TAB1: variants seen among roughly 807,000 people sequenced by gnomAD.
The protein encoded by TAB1 is TGF-beta activated kinase 1 (MAP3K7) binding protein 1.
TAB1 carries 30 observed loss-of-function variants against 54.5 expected under a neutral mutation model. The ratio of observed to expected loss-of-function variants is 0.55; its 90% CI spans 0.41 to 0.75. TAB1 has a LOEUF of 0.75. TAB1 is among the 30% of genes least tolerant of loss of function. The pLI, the probability that TAB1 is intolerant of heterozygous loss-of-function variation, is 0.00. For missense variants in TAB1, 609 were observed against 683.2 expected, an observed-to-expected ratio of 0.89 and a Z score of 1.21; for synonymous variants, 289 against 286.9, an observed-to-expected ratio of 1.01 and a Z score of -0.07.
At position 39,415,238 on chromosome 22, in the gene TAB1, C is replaced by A; in HGVS notation, c.170+96C>A. 1 of 1,439,792 alleles carries A rather than the reference C, an allele frequency of 6.9e-7. No individual in the cohort carries two copies. The highest frequency in any genetic ancestry group is 2.3e-5 in the East Asian group (1 of 43,374). 89.2% of individuals were successfully genotyped at this position (1,439,792 alleles called of 1,614,324 possible). ...CTTGCAGCTTTCTCGTATGGGCTTG[C>A]CAGTGACATGTGGCCCGTGAGAGGT... On this transcript the variant is annotated intron_variant, in intron 2 of 10. Transcript: ENST00000216160. The surrounding 1 kb of genome is among the most constrained non-coding windows in gnomAD (Gnocchi z 4.9).
At chr22:39,436,546 T>A, downstream of TAB1, 1 of 1,613,976 alleles carries the variant, frequency 6.2e-7, no homozygotes, top group Non-Finnish European at 8.5e-7. Context: ...CAACTAAACC[T>A]CCTGGGCAGC....
At chr22:39,435,997 A>G (rs1432752929), downstream of TAB1, among the ~76,000 whole-genome samples, 3 of 152,268 alleles carry the variant, frequency 2.0e-5, no homozygotes, top group East Asian at 5.8e-4. Context: ...AATAAAAATA[A>G]CTAGTAGGTT....
downstream of TAB1, chr22:39,432,643 CGA>C (rs142123452): frequency 0.024 from 14,407 of 612,380 alleles, no homozygotes; most frequent in Middle Eastern, 0.038. Flanking sequence ...CCCTGCCACC[CGA>C]GAGAGAGAGA....
rs1927103857 is a variant in TAB1, at chr22:39,421,836, G to T, written c.786G>T (p.Lys262Asn). The change falls in exon 8 of 11, where the codon AAG (lysine) becomes AAT (asparagine). Residue 262 changes from lysine to asparagine, a missense_variant. Physicochemically the swap from Lys to Asn is moderately conservative, Grantham distance 94 (BLOSUM62 0). Coordinates refer to ENST00000216160, the MANE Select transcript of TAB1 (RefSeq NM_006116.3). ...YTDIDLLSAA[K>N]SKPIIAEPEI... ...CACTCTCTCCCCATAGCGCTGCCAA[G>T]TCCAAACCAATCATCGCAGAGCCAG... 6.2e-7 allele frequency: 1 copy of T among 1,614,084 alleles called. No homozygotes were observed. Among genetic ancestry groups the T allele is most frequent in the Non-Finnish European group, 8.5e-7 (1 of 1,179,982 alleles).
intron 5 of TAB1, 131 bp downstream of exon 5, chr22:39,417,980 G>A: frequency 8.3e-7 from 1 of 1,199,918 alleles, no homozygotes; most frequent in South Asian, 1.7e-5. Flanking sequence ...AGACCGTTGG[G>A]TATGTCCCTC....
intron 1 of TAB1, among the ~76,000 whole-genome samples, chr22:39,411,983 A>C (rs751114828): frequency 2.6e-5 from 4 of 152,184 alleles, no homozygotes; most frequent in Non-Finnish European, 5.9e-5. Flanking sequence ...CAGTCTCAGG[A>C]GGTCATGTTT....
At chr22:39,433,527 A>G, downstream of TAB1, 1 of 985,142 alleles carries the variant, frequency 1.0e-6, no homozygotes, top group South Asian at 4.7e-5. Flanking sequence ...CCTGGCCCTC[A>G]GAAATCCCGT....
intron 1 of TAB1, among the ~76,000 whole-genome samples, chr22:39,406,619 C>T (rs1476669001): frequency 6.6e-6 from 1 of 151,670 alleles, no homozygotes; most frequent in Non-Finnish European, 1.5e-5. Flanking sequence ...CTTACTCTTT[C>T]TTTATTTTTT....
intron 1 of TAB1, among the ~76,000 whole-genome samples, chr22:39,407,712 C>G (rs1926429396): frequency 6.6e-6 from 1 of 152,166 alleles, no homozygotes; most frequent in South Asian, 2.1e-4. Context: ...GTCTCGATCT[C>G]CTGACCTCGT....
At chr22:39,406,479 A>G (rs1926371162) in intron 1 of TAB1, among the ~76,000 whole-genome samples, 1 of 151,612 alleles carries the variant, frequency 6.6e-6, no homozygotes, top group African/African-American at 2.4e-5. Context: ...GAGGTTTGGG[A>G]ATCATGGGCC....
downstream of TAB1, among the ~76,000 whole-genome samples, chr22:39,432,096 C>T (rs1054196772): frequency 9.2e-5 from 14 of 152,212 alleles, no homozygotes; most frequent in Middle Eastern, 3.2e-3. Flanking sequence ...GGCCCACTCT[C>T]GGACCCAGAT....
intron 8 of TAB1, among the ~76,000 whole-genome samples, chr22:39,424,975 G>T (rs1485650258): frequency 6.6e-6 from 1 of 152,090 alleles, no homozygotes; most frequent in Non-Finnish European, 1.5e-5. Flanking sequence ...CCGCCCAAAA[G>T]AAACTTTATG....
intron 1 of TAB1, among the ~76,000 whole-genome samples, chr22:39,407,675 C>T (rs1025121988): frequency 6.6e-6 from 1 of 152,052 alleles, no homozygotes; most frequent in African/African-American, 2.4e-5. Context: ...TTAGTAGAGA[C>T]GGGGTTTTGC....
At chr22:39,410,571 T>G (rs1273201833) in intron 1 of TAB1, among the ~76,000 whole-genome samples, 2 of 152,172 alleles carry the variant, frequency 1.3e-5, no homozygotes, top group African/African-American at 4.8e-5. Context: ...TCTTCCTTTT[T>G]TTTTTCATTT....
chr22:39,424,461 T>TC (rs1927233311), intron 8 of TAB1, among the ~76,000 whole-genome samples: 1 of 146,996 alleles, frequency 6.8e-6, no homozygotes, highest in Non-Finnish European at 1.5e-5. Flanking sequence ...TTTTTTTTTT[T>TC]TGAGATGGAG....
chr22:39,428,223 C>G (rs1204578712), intron 10 of TAB1, 40 bp downstream of exon 10: 2 of 1,403,092 alleles, frequency 1.4e-6, no homozygotes, highest in East Asian at 4.7e-5. Flanking sequence ...AGCCCTGTCA[C>G]CCCCGTGTGT....
chr22:39,414,105 G>C (rs1380184516), intron 1 of TAB1, among the ~76,000 whole-genome samples: 2 of 152,192 alleles, frequency 1.3e-5, no homozygotes, highest in Non-Finnish European at 2.9e-5. Context: ...CAGACAGGCA[G>C]GGATGCTGGA....
chr22:39,420,882 C>CTGTGTGTGTGTGTGTG (rs3043618), intron 7 of TAB1, among the ~76,000 whole-genome samples: 1 of 14,364 alleles, frequency 7.0e-5, no homozygotes, highest in African/African-American at 3.0e-4. Flanking sequence ...GTGTCTCTCT[C>CTGTGTGTGTGTGTGTG]TGTGTGTGTG....
In TAB1 at chr22:39,428,024, C is replaced by T. The variant is rs1430927217; in HGVS notation, c.1148C>T (p.Ala383Val). Residue 383 changes from alanine to valine, a missense_variant, in exon 10 of 11, where the codon GCA becomes GTA. Physicochemically the swap from Ala to Val is moderately conservative, Grantham distance 64. Transcript: ENST00000216160. ...SQPTPSPAPA[A>V]GGRVYPVSVP... ...CCCCACTCTCTTCCTCCCAAAGCTG[C>T]AGGAGGACGAGTGTACCCTGTGTCT... 2 of 1,586,682 alleles carry T rather than the reference C, an allele frequency of 1.3e-6. No homozygotes were observed. The highest frequency in any genetic ancestry group is 1.7e-6 in the Non-Finnish European group (2 of 1,160,024).
Sources: gnomAD v4.1 joint callset for allele counts (sites outside exome capture counted in the v4.1 genomes callset) on GRCh38, gnomAD v4.1.1 for gene constraint, Gnocchi (gnomAD v3.1) non-coding constraint, MANE v1.5 for transcripts, NCBI Gene and HGNC (gene_info 2026-07-23, HGNC 2026-07-21) for gene names.